The following MAPK4 variants were observed in gnomAD, a reference collection of about 807,000 sequenced individuals.
The protein encoded by MAPK4 is Erk3-related.
A neutral mutation model predicts 47.7 loss-of-function variants in MAPK4; 22 were observed. That is an observed-to-expected ratio of 0.46 (90% CI 0.33 to 0.66). The LOEUF is 0.66. Among genes scored for constraint, MAPK4 ranks in the 30% least tolerant of loss-of-function variants. The pLI is 0.02. For missense variants in MAPK4, 736 were observed against 831.7 expected, an observed-to-expected ratio of 0.88 and a Z score of 1.42; for synonymous variants, 390 against 365.7, an observed-to-expected ratio of 1.07 and a Z score of -0.76.
chr18:50,629,285 G>A (rs1198602447), intron 1 of MAPK4: 1 of 152,258 alleles, frequency 6.6e-6, no homozygotes, highest in East Asian at 1.9e-4. Flanking sequence ...AAAGCTCCCA[G>A]GAGGCTGGCG....
intron 3 of MAPK4, among the ~76,000 whole-genome samples, chr18:50,716,157 T>C (rs1482087220): frequency 6.6e-6 from 1 of 152,098 alleles, no homozygotes; most frequent in East Asian, 1.9e-4. Context: ...GAGCACTTGC[T>C]CTCTTCACTC....
At chr18:50,655,591 C>T (rs1399321749) in intron 1 of MAPK4, among the ~76,000 whole-genome samples, 6 of 152,174 alleles carry the variant, frequency 3.9e-5, no homozygotes, top group African/African-American at 1.2e-4. Context: ...ATTTCAAAAG[C>T]CGGAAAGCCA....
intron 1 of MAPK4, among the ~76,000 whole-genome samples, chr18:50,639,640 A>C (rs542987643): frequency 4.6e-5 from 7 of 152,140 alleles, no homozygotes; most frequent in Non-Finnish European, 7.4e-5. Flanking sequence ...AAGGGATTAG[A>C]CTCTGCACCA....
chr18:50,616,120 G>A (rs1332684129), intron 1 of MAPK4, among the ~76,000 whole-genome samples: 1 of 152,200 alleles, frequency 6.6e-6, no homozygotes. Context: ...ATTTGCCAAA[G>A]AAACTCCATT....
intron 1 of MAPK4, among the ~76,000 whole-genome samples, chr18:50,594,494 C>T (rs1308487369): frequency 3.9e-5 from 6 of 151,992 alleles, no homozygotes; most frequent in Non-Finnish European, 7.4e-5. Flanking sequence ...ACAGTTGATT[C>T]GACAGGAAAG....
chr18:50,708,528 T>C (rs949737466), intron 2 of MAPK4, among the ~76,000 whole-genome samples: 1 of 152,164 alleles, frequency 6.6e-6, no homozygotes, highest in Non-Finnish European at 1.5e-5. Context: ...GACTGAGAAA[T>C]GGAATCTGCG....
chr18:50,609,842 T>A (rs1019500517), intron 1 of MAPK4, among the ~76,000 whole-genome samples: 36 of 152,228 alleles, frequency 2.4e-4, no homozygotes, highest in African/African-American at 8.2e-4. Context: ...GTAGATATGG[T>A]GGATATATCA....
intron 1 of MAPK4, among the ~76,000 whole-genome samples, chr18:50,604,490 A>T (rs898554374): frequency 3.3e-5 from 5 of 152,206 alleles, no homozygotes; most frequent in African/African-American, 1.2e-4. Flanking sequence ...AAGCTTGCTT[A>T]CTCTTTTAGA....
At chr18:50,571,564 T>C (rs539677344) in intron 1 of MAPK4, among the ~76,000 whole-genome samples, 1 of 152,324 alleles carries the variant, frequency 6.6e-6, no homozygotes, top group South Asian at 2.1e-4. Flanking sequence ...CATGATTCAC[T>C]TTAGGTACAA....
chr18:50,589,922 T>A (rs2042422804), intron 1 of MAPK4, among the ~76,000 whole-genome samples: 1 of 152,258 alleles, frequency 6.6e-6, no homozygotes, highest in African/African-American at 2.4e-5. Context: ...CCAATATATT[T>A]ATGTAGCTCT....
At chr18:50,671,092 C>CA (rs775779701) in intron 2 of MAPK4, among the ~76,000 whole-genome samples, 31 of 152,208 alleles carry the variant, frequency 2.0e-4, no homozygotes, top group Non-Finnish European at 3.5e-4. Flanking sequence ...CCAGAGAACA[C>CA]AGGTGTGTCT....
chr18:50,562,981 T>C (rs1598772350), intron 1 of MAPK4, among the ~76,000 whole-genome samples: 1 of 152,324 alleles, frequency 6.6e-6, no homozygotes, highest in East Asian at 1.9e-4. Context: ...CTCTAGAAAT[T>C]CCTGGTAATG....
intron 3 of MAPK4, 142 bp downstream of exon 3, chr18:50,715,365 G>T: frequency 9.7e-7 from 1 of 1,026,720 alleles, no homozygotes; most frequent in Non-Finnish European, 1.4e-6. Flanking sequence ...ACTATTTGGA[G>T]GCACCTTATT....
chr18:50,607,571 G>A (rs2042592768), intron 1 of MAPK4, among the ~76,000 whole-genome samples: 1 of 152,192 alleles, frequency 6.6e-6, no homozygotes, highest in Admixed American at 6.5e-5. Context: ...TCTGAGCAGT[G>A]GAGGTGAGAG....
intron 2 of MAPK4, among the ~76,000 whole-genome samples, chr18:50,713,009 T>C (rs1910458223): frequency 6.6e-6 from 1 of 152,216 alleles, no homozygotes; most frequent in South Asian, 2.1e-4. Flanking sequence ...CTCAGATGCA[T>C]TGTGCTAAGT....
At chr18:50,700,475 A>T (rs1458516595) in intron 2 of MAPK4, among the ~76,000 whole-genome samples, 1 of 152,236 alleles carries the variant, frequency 6.6e-6, no homozygotes, top group Non-Finnish European at 1.5e-5. Context: ...CATATATTTC[A>T]GTTTTGCAAA....
intron 2 of MAPK4, among the ~76,000 whole-genome samples, chr18:50,692,446 T>C (rs935833855): frequency 6.6e-6 from 1 of 152,156 alleles, no homozygotes; most frequent in Non-Finnish European, 1.5e-5. Flanking sequence ...TGCTGGACAG[T>C]AGCAGGGACG....
intron 2 of MAPK4, among the ~76,000 whole-genome samples, chr18:50,672,700 C>T (rs192810414): frequency 5.3e-5 from 8 of 152,228 alleles, no homozygotes; most frequent in Admixed American, 5.2e-4. Context: ...TGGGAGATGA[C>T]CAATCAGAAA....
At chr18:50,589,593 C>A (rs1314174718) in intron 1 of MAPK4, among the ~76,000 whole-genome samples, 1 of 103,250 alleles carries the variant, frequency 9.7e-6, no homozygotes, top group African/African-American at 3.3e-5. Flanking sequence ...GAGACTCCGT[C>A]TCAAAAAAAA....
Sources: gnomAD v4.1 joint callset for allele counts (sites outside exome capture counted in the v4.1 genomes callset) on GRCh38, gnomAD v4.1.1 for gene constraint, MANE v1.5 for transcripts, NCBI Gene and HGNC (gene_info 2026-07-23, HGNC 2026-07-21) for gene names.